Variants in PCDHGB4 observed in about 807,000 individuals in gnomAD.
PCDHGB4 encodes the protein protocadherin gamma-B4.
PCDHGB4 carries 38 observed loss-of-function variants against 60.5 expected under a neutral mutation model. The ratio of observed to expected loss-of-function variants is 0.63; its 90% confidence interval spans 0.48 to 0.82. The LOEUF (loss-of-function observed/expected upper bound fraction) is 0.82. Among genes scored for constraint, PCDHGB4 ranks in the 40% least tolerant of loss-of-function variants. The pLI, the probability that PCDHGB4 is intolerant of heterozygous loss-of-function variation, is 0.00. For missense variants in PCDHGB4, 1,109 were observed against 1,209.6 expected, an observed-to-expected ratio of 0.92 and a Z score of 1.23; for synonymous variants, 456 against 509.7, an observed-to-expected ratio of 0.89 and a Z score of 1.42.
rs751320023 is a variant in PCDHGB4 at position 141,431,263 on chromosome 5, G to T, written c.2397+40982G>T. 6 of 1,614,060 alleles carry T rather than the reference G, an allele frequency of 3.7e-6. No homozygotes were observed. In the East Asian group the frequency reaches 1.3e-4, roughly 36 times the overall value. ...CGGATATCGGGAAGAACTCTCTGCA[G>T]AGCTACGAGCTCAGCCCGAACACTC... On this transcript the variant is annotated intron_variant, in intron 1 of 3. Transcript: ENST00000519479. The surrounding 1 kb of genome is among the most constrained non-coding windows in gnomAD (Gnocchi z 4.8).
In PCDHGB4 at chr5:141,510,983, C is replaced by T; in HGVS notation, c.2582C>T (p.Ala861Val). The change falls in exon 4 of 4, where the codon GCC becomes GTC. Residue 861 changes from alanine to valine, a missense_variant. Around this residue, in one of 2 missense-constraint regions of PCDHGB4, gnomAD observed 1,068 missense variants for 1,089.9 expected, o/e 0.98. Transcript: ENST00000519479. The stretch of plus-strand genomic sequence containing the variant: ...GGGAGCTCCACCCTGGGAGGGGGTG[C>T]CGGCACCATGGGATTGAGCGCCCGC... ...ADGSSTLGGG[A>V]GTMGLSARYG... The T allele has an allele frequency of 6.2e-7, 1 of 1,614,162 alleles. No homozygotes were observed. The highest frequency in any genetic ancestry group is 8.5e-7 in the Non-Finnish European group (1 of 1,180,012).
chr5:141,443,443 G>A (rs2098388456), intron 1 of PCDHGB4, among the ~76,000 whole-genome samples: 1 of 152,124 alleles, frequency 6.6e-6, no homozygotes, highest in African/African-American at 2.4e-5. Flanking sequence ...CTGTGGTTGC[G>A]CTCCTGTACT....
At chr5:141,414,358 C>T (rs1414747968) in intron 1 of PCDHGB4, 1 of 1,613,818 alleles carries the variant, frequency 6.2e-7, no homozygotes, top group Non-Finnish European at 8.5e-7. Context: ...GGCGTATCTA[C>T]CATTTAAATT....
rs778209794 is a variant in PCDHGB4 at position 141,408,298 on chromosome 5, G to C, written c.2397+18017G>C. The C allele has an allele frequency of 4.3e-6, 7 of 1,613,586 alleles. No homozygotes were observed. The Admixed American group carries it at 5.0e-5, about 12-fold the overall frequency. ...TGTTCTACCCCACCCTGAGTGAGCCGATCCGCTACTCGATTCCGGAGGAGC... is the reference window on the plus strand; with the variant it reads ...TGTTCTACCCCACCCTGAGTGAGCCCATCCGCTACTCGATTCCGGAGGAGC... On this transcript the variant is annotated intron_variant, in intron 1 of 3. Coordinates refer to ENST00000519479, the MANE Select transcript of PCDHGB4 (RefSeq NM_003736.4).
chr5:141,478,347 C>T, intron 1 of PCDHGB4: 2 of 1,613,802 alleles, frequency 1.2e-6, no homozygotes, highest in Non-Finnish European at 1.7e-6. Context: ...TCCTTGCACG[C>T]GGACGCCGTG....
chr5:141,494,441 C>T (rs1187169994), intron 1 of PCDHGB4, among the ~76,000 whole-genome samples: 2 of 152,154 alleles, frequency 1.3e-5, no homozygotes, highest in African/African-American at 4.8e-5. Context: ...TCCTTTGCCA[C>T]TTTAGGGGGC....
chr5:141,419,137 CA>C (rs1561778370), intron 1 of PCDHGB4: 1 of 1,613,892 alleles, frequency 6.2e-7, no homozygotes, highest in African/African-American at 1.3e-5. Flanking sequence ...CAGCCACAGA[CA>C]GGGGCAAGCC....
At chr5:141,421,444 A>T in intron 1 of PCDHGB4, 1 of 1,614,020 alleles carries the variant, frequency 6.2e-7, no homozygotes, top group Non-Finnish European at 8.5e-7. Flanking sequence ...CAGAGGGAAG[A>T]CACAGCTTTT....
intron 1 of PCDHGB4, 157 bp from the exon 2 acceptor site, chr5:141,494,650 T>G (rs1366776271): frequency 1.0e-6 from 1 of 960,138 alleles, no homozygotes; most frequent in East Asian, 1.1e-4. Context: ...CTGAGGTGTA[T>G]TTTGTCTTTG....
intron 1 of PCDHGB4, among the ~76,000 whole-genome samples, chr5:141,483,024 G>A (rs1210804345): frequency 6.6e-6 from 1 of 152,094 alleles, no homozygotes; most frequent in Non-Finnish European, 1.5e-5. Context: ...GGCAGAGGTT[G>A]CAATGAGCTG....
In PCDHGB4 at chr5:141,491,244, T is replaced by G. The variant is rs754328211; in HGVS notation, c.2398-3563T>G. The G allele has an allele frequency of 6.2e-6, 10 of 1,614,092 alleles. No homozygotes were observed. The South Asian group carries it at 1.1e-4, about 18-fold the overall frequency. ...CCACAGTGCTGCTGGTTCTGGAGGA[T>G]GAGGACCCTGAGGAAATGCCCAAAT... On this transcript the variant is annotated intron_variant, in intron 1 of 3. Transcript: ENST00000519479. This position sits in a 1 kb window ranked among gnomAD's most constrained non-coding sequence, Gnocchi z 6.9.
chr5:141,474,135 G>C (rs1032470573), intron 1 of PCDHGB4, among the ~76,000 whole-genome samples: 2 of 152,062 alleles, frequency 1.3e-5, no homozygotes, highest in Admixed American at 1.3e-4. Context: ...GAAAACTACA[G>C]GCCTTATTAT....
At chr5:141,495,270 G>A (rs1428903664) in intron 2 of PCDHGB4, among the ~76,000 whole-genome samples, 1 of 152,178 alleles carries the variant, frequency 6.6e-6, no homozygotes, top group African/African-American at 2.4e-5. Context: ...GCATTTGACC[G>A]GAGGAGGCGG....
chr5:141,419,741 A>C (rs769795920), intron 1 of PCDHGB4: 2 of 1,613,856 alleles, frequency 1.2e-6, no homozygotes, highest in Admixed American at 1.7e-5. Context: ...CGAGGTGCGC[A>C]TGGTGCGTGC....
chr5:141,478,642 T>A (rs777741719), intron 1 of PCDHGB4: 1 of 1,552,350 alleles, frequency 6.4e-7, no homozygotes, highest in South Asian at 1.2e-5. Context: ...GTGATGAAGA[T>A]GTTTTCCTGG....
At chr5:141,424,928 T>C (rs2096848391) in intron 1 of PCDHGB4, among the ~76,000 whole-genome samples, 1 of 152,204 alleles carries the variant, frequency 6.6e-6, no homozygotes, top group South Asian at 2.1e-4. Flanking sequence ...ATCAATTCAG[T>C]CAACACTCTC....
chr5:141,477,845 GT>G lies in PCDHGB4; in HGVS notation c.2398-16961del, dbSNP rs1562065234. ...ATATCCTCGGCCAGGTGGGAGCTCG[GT>G]GGAGATGCTGCCTCGAGGTACCTCA... is the stretch of plus-strand genomic sequence containing the variant. On this transcript the variant is annotated intron_variant, in intron 1 of 3. Coordinates refer to ENST00000519479, the MANE Select transcript of PCDHGB4 (RefSeq NM_003736.4). This position sits in a 1 kb window ranked among gnomAD's most constrained non-coding sequence, Gnocchi z 4.9. 1 of 1,614,038 alleles carries G rather than the reference GT, an allele frequency of 6.2e-7. No homozygotes were observed. Among genetic ancestry groups the G allele is most frequent in the East Asian group, 2.2e-5 (1 of 44,896 alleles).
At chr5:141,447,824 G>A (rs926580893) in intron 1 of PCDHGB4, among the ~76,000 whole-genome samples, 7 of 152,034 alleles carry the variant, frequency 4.6e-5, no homozygotes, top group Admixed American at 1.3e-4. Flanking sequence ...GGTGGCTCAC[G>A]CCTGTAATCC....
chr5:141,414,427 C>G lies in PCDHGB4; in HGVS notation c.2397+24146C>G, dbSNP rs766147938. The G allele has an allele frequency of 6.2e-6, 10 of 1,613,684 alleles. No individual in the cohort carries two copies. The highest frequency in any genetic ancestry group is 1.6e-4 in the Middle Eastern group (1 of 6,084). On this transcript the variant is annotated intron_variant, in intron 1 of 3. Coordinates refer to ENST00000519479, the MANE Select transcript of PCDHGB4 (RefSeq NM_003736.4). ...GATACACAGAGCCCTTGACAGGGAA[C>G]AGGTATCCTCTTACAATATCACAGT... is the stretch of plus-strand genomic sequence containing the variant.
Sources: gnomAD v4.1 joint callset for allele counts (sites outside exome capture counted in the v4.1 genomes callset) on GRCh38, gnomAD v4.1.1 for gene constraint, gnomAD v4.1.1 regional missense constraint, Gnocchi (gnomAD v3.1) non-coding constraint, MANE v1.5 for transcripts, NCBI Gene and HGNC (gene_info 2026-07-23, HGNC 2026-07-21) for gene names.